CCSER1: variants seen among roughly 807,000 people sequenced by gnomAD.
CCSER1 encodes the protein coiled-coil serine rich protein 1, also known as serine-rich coiled-coil domain-containing protein 1.
CCSER1 carries 41 observed loss-of-function variants against 82.0 expected under a neutral mutation model. The observed-to-expected ratio is 0.50, with a 90% confidence interval of 0.39 to 0.65. CCSER1 has a LOEUF of 0.65. CCSER1 is among the 30% of genes least tolerant of loss of function. The pLI is 0.00. For synonymous variants in CCSER1, 414 were observed against 383.9 expected (o/e 1.08, Z -0.92); for missense variants, 1,119 against 1,064.2 (o/e 1.05, Z -0.72).
chr4:90,947,584 C>G (rs1732409307), intron 9 of CCSER1, among the ~76,000 whole-genome samples: 1 of 152,164 alleles, frequency 6.6e-6, no homozygotes, highest in Admixed American at 6.6e-5. Context: ...GATATTACCA[C>G]AGTCCTATTC....
intron 7 of CCSER1, among the ~76,000 whole-genome samples, chr4:90,773,312 A>G (rs113388957): frequency 0.011 from 1,618 of 152,258 alleles, 20 homozygotes; most frequent in African/African-American, 0.033. Context: ...CATCATCTCT[A>G]TTGTTTGACT....
chr4:91,191,341 T>C (rs932603634), intron 10 of CCSER1, among the ~76,000 whole-genome samples: 3 of 152,190 alleles, frequency 2.0e-5, no homozygotes, highest in Admixed American at 6.5e-5. Context: ...TCTAAAGAAA[T>C]TGTTGATTTC....
intron 4 of CCSER1, among the ~76,000 whole-genome samples, chr4:90,409,106 G>T (rs1754241966): frequency 6.6e-6 from 1 of 152,130 alleles, no homozygotes. Context: ...AACAAACAAA[G>T]CCTCCAAGAA....
intron 10 of CCSER1, among the ~76,000 whole-genome samples, chr4:91,582,027 C>A (rs1763751973): frequency 1.3e-5 from 2 of 151,674 alleles, no homozygotes; most frequent in East Asian, 1.9e-4. Flanking sequence ...GTATATGCAC[C>A]TCAAGGGCAA....
intron 10 of CCSER1, among the ~76,000 whole-genome samples, chr4:91,387,157 T>A (rs1299672169): frequency 6.6e-6 from 1 of 152,030 alleles, no homozygotes; most frequent in African/African-American, 2.4e-5. Context: ...AGGATGCCCT[T>A]GTTTATAAAT....
At chr4:90,255,036 TAC>T (rs1216705455) in intron 1 of CCSER1, among the ~76,000 whole-genome samples, 1 of 151,718 alleles carries the variant, frequency 6.6e-6, no homozygotes, top group Non-Finnish European at 1.5e-5. Flanking sequence ...ATATTGATTC[TAC>T]CAGCATTTAT....
At chr4:91,042,663 AGTT>A (rs1397430771) in intron 9 of CCSER1, among the ~76,000 whole-genome samples, 1 of 152,150 alleles carries the variant, frequency 6.6e-6, no homozygotes, top group Non-Finnish European at 1.5e-5. Context: ...TTTTCTAACT[AGTT>A]GTTCTGCAAG....
At chr4:90,168,956 C>T (rs1215543157) in intron 1 of CCSER1, among the ~76,000 whole-genome samples, 3 of 151,718 alleles carry the variant, frequency 2.0e-5, no homozygotes, top group Non-Finnish European at 4.4e-5. Flanking sequence ...CGTGGTGATG[C>T]GGGCTCTTTT....
intron 10 of CCSER1, among the ~76,000 whole-genome samples, chr4:91,332,273 C>A (rs1747010065): frequency 6.6e-6 from 1 of 151,642 alleles, no homozygotes; most frequent in Non-Finnish European, 1.5e-5. Context: ...ATATAATTTT[C>A]TTCTTTTAAT....
chr4:91,346,995 C>A (rs990412710), intron 10 of CCSER1, among the ~76,000 whole-genome samples: 4 of 150,000 alleles, frequency 2.7e-5, no homozygotes, highest in African/African-American at 7.6e-5. Context: ...TGAGCTTCAA[C>A]TTATGAGTTT....
chr4:90,555,788 T>A (rs1415519489), intron 5 of CCSER1, among the ~76,000 whole-genome samples: 4 of 152,024 alleles, frequency 2.6e-5, no homozygotes, highest in Non-Finnish European at 4.4e-5. Flanking sequence ...TCAATACATA[T>A]CAATATACAT....
At chr4:90,859,578 A>T (rs1037815717) in intron 8 of CCSER1, among the ~76,000 whole-genome samples, 1 of 151,762 alleles carries the variant, frequency 6.6e-6, no homozygotes, top group Non-Finnish European at 1.5e-5. Flanking sequence ...CTAAAATCTG[A>T]ACTTCAAATT....
chr4:90,209,856 G>A (rs1200684146), intron 1 of CCSER1, among the ~76,000 whole-genome samples: 1 of 151,600 alleles, frequency 6.6e-6, no homozygotes, highest in Non-Finnish European at 1.5e-5. Context: ...CATTGTTAAA[G>A]GACTGTCCTG....
chr4:91,476,154 T>C (rs918193981), intron 10 of CCSER1, among the ~76,000 whole-genome samples: 3 of 151,814 alleles, frequency 2.0e-5, no homozygotes, highest in African/African-American at 4.8e-5. Context: ...GGATACATAT[T>C]CATCAGTGGG....
At chr4:90,767,129 A>G (rs1751368001) in intron 7 of CCSER1, among the ~76,000 whole-genome samples, 1 of 152,212 alleles carries the variant, frequency 6.6e-6, no homozygotes. Flanking sequence ...GTGTTTGCCA[A>G]CAAAGCCTTC....
At chr4:90,164,249 A>G (rs920521994) in intron 1 of CCSER1, among the ~76,000 whole-genome samples, 1 of 143,234 alleles carries the variant, frequency 7.0e-6, no homozygotes, top group South Asian at 2.2e-4. Flanking sequence ...AATTTCCTAC[A>G]TTCTTAAGGT....
chr4:90,631,938 C>T (rs1724521302), intron 6 of CCSER1, among the ~76,000 whole-genome samples: 1 of 152,034 alleles, frequency 6.6e-6, no homozygotes, highest in Non-Finnish European at 1.5e-5. Flanking sequence ...GGGTCCCGTT[C>T]CCAAGACATC....
chr4:90,964,731 CAAAAAA>C (rs71596540), intron 9 of CCSER1, among the ~76,000 whole-genome samples: 1 of 77,634 alleles, frequency 1.3e-5, no homozygotes, highest in South Asian at 6.3e-4. Context: ...ACTCTGTCTC[CAAAAAA>C]AAAAAAAAAA....
chr4:90,451,328 C>T (rs1310975424), intron 4 of CCSER1, among the ~76,000 whole-genome samples: 1 of 152,016 alleles, frequency 6.6e-6, no homozygotes, highest in Non-Finnish European at 1.5e-5. Context: ...TACTGGATGC[C>T]CCTTGTCTTT....
Sources: gnomAD v4.1 joint callset for allele counts (sites outside exome capture counted in the v4.1 genomes callset) on GRCh38, gnomAD v4.1.1 for gene constraint, MANE v1.5 for transcripts, NCBI Gene and HGNC (gene_info 2026-07-23, HGNC 2026-07-21) for gene names.